The following SRRM1 variants were observed in gnomAD, a reference collection of about 807,000 sequenced individuals.
The protein encoded by SRRM1 is serine/arginine repetitive matrix protein 1.
A neutral mutation model predicts 110.2 loss-of-function variants in SRRM1; 19 were observed. That is an observed-to-expected ratio of 0.17 (90% CI 0.12 to 0.25). The LOEUF (loss-of-function observed/expected upper bound fraction) is 0.25, where lower values mean the gene tolerates loss of function less well. SRRM1 is among the 10% of genes least tolerant of loss of function. The pLI, the probability that SRRM1 is intolerant of heterozygous loss-of-function variation, is 1.00. For synonymous variants in SRRM1, 443 were observed against 414.9 expected (o/e 1.07, Z -0.82); for missense variants, 918 against 1,145.8 (o/e 0.80, Z 2.87).
At chr1:24,662,127 T>C (rs1363097219) in intron 11 of SRRM1, among the ~76,000 whole-genome samples, 1 of 152,080 alleles carries the variant, frequency 6.6e-6, no homozygotes, top group Admixed American at 6.6e-5. Flanking sequence ...ATCTACCCTA[T>C]TATTTTACTA....
intron 11 of SRRM1, among the ~76,000 whole-genome samples, 155 bp downstream of exon 11, chr1:24,661,551 T>C (rs1384916347): frequency 6.6e-6 from 1 of 152,228 alleles, no homozygotes; most frequent in Non-Finnish European, 1.5e-5. Flanking sequence ...TTTTAAGTCC[T>C]TTTGCAAAAT....
chr1:24,661,289 C>G (rs772515845), intron 10 of SRRM1, 21 bp from the exon 11 acceptor site: 14 of 1,595,882 alleles, frequency 8.8e-6, no homozygotes, highest in Non-Finnish European at 1.0e-5. Context: ...GAAACACTTT[C>G]TAAATGCATC....
chr1:24,644,019 C>T (rs1655648187), intron 1 of SRRM1, among the ~76,000 whole-genome samples: 1 of 152,162 alleles, frequency 6.6e-6, no homozygotes, highest in Admixed American at 6.5e-5. Context: ...GCAACGAAAA[C>T]TATGCGCGGG....
chr1:24,665,491 T>A (rs1192856751), intron 12 of SRRM1, among the ~76,000 whole-genome samples: 11 of 149,802 alleles, frequency 7.3e-5, no homozygotes, highest in African/African-American at 2.5e-4. Flanking sequence ...AGGCGGGTGG[T>A]TCACGAGGTC....
chr1:24,661,096 G>A (rs915708297), intron 10 of SRRM1: 4 of 546,398 alleles, frequency 7.3e-6, no homozygotes, highest in Middle Eastern at 9.8e-4. Context: ...AGCCTGACCT[G>A]TAGTAAATGC....
In SRRM1 at chr1:24,643,314, G is replaced by A. The variant is rs199600537; in HGVS notation, c.-13G>A. ...CCCTGGGATAGGGAGCGATCTCCGAGCGAGGCGGCAAGATGGACGCGGGAT... is the reference window on the plus strand; with the variant it reads ...CCCTGGGATAGGGAGCGATCTCCGAACGAGGCGGCAAGATGGACGCGGGAT... On this transcript the variant is annotated 5_prime_UTR_variant, in exon 1 of 17. Coordinates refer to ENST00000323848, the MANE Select transcript of SRRM1 (RefSeq NM_005839.4). 7.6e-5 allele frequency: 119 copies of A among 1,565,010 alleles called. No individual in the cohort carries two copies. The African/African-American group carries it at 1.5e-3, about 20-fold the overall frequency.
intron 3 of SRRM1, chr1:24,648,232 G>A (rs1462255706): frequency 2.0e-5 from 3 of 152,200 alleles, no homozygotes; most frequent in Non-Finnish European, 4.4e-5. Flanking sequence ...AACGGATTTA[G>A]CATTTAAAAA....
chr1:24,671,363 G>C, intron 15 of SRRM1, 23 bp from the exon 16 acceptor site: 3 of 1,566,760 alleles, frequency 1.9e-6, no homozygotes, highest in Non-Finnish European at 2.6e-6. Flanking sequence ...TAAATGCTGG[G>C]TGTTGTTTTT....
At chr1:24,667,731 A>C (rs1458180717) in intron 13 of SRRM1, among the ~76,000 whole-genome samples, 1 of 152,198 alleles carries the variant, frequency 6.6e-6, no homozygotes, top group African/African-American at 2.4e-5. Context: ...AGGGACATTC[A>C]GTAGTGGAAA....
intron 1 of SRRM1, chr1:24,643,775 A>C (rs1429641728): frequency 5.5e-6 from 1 of 183,114 alleles, no homozygotes; most frequent in Non-Finnish European, 1.1e-5. Context: ...GTTTGGGGGT[A>C]CATCTTGGGA....
At position 24,644,146 on chromosome 1, in the gene SRRM1, C is replaced by T. The variant is rs929300532; in HGVS notation, c.21+799C>T. On this transcript the variant is annotated intron_variant, in intron 1 of 16. Transcript: ENST00000323848. ...TGGTGAAAGGTAACTCTTACCTAGG[C>T]TCTGCCAGCGTCGTCTGCCCATCGC... is the stretch of plus-strand genomic sequence containing the variant. 4.1e-4 allele frequency among the ~76,000 whole-genome samples: 63 copies of T among 152,134 alleles called. 2 individuals are homozygous for T. The highest frequency in any genetic ancestry group is 1.6e-4 in the Non-Finnish European group (11 of 68,014).
Position 24,672,291 on chromosome 1 carries a change from A to T in SRRM1, c.*5A>T. Reference sequence around the variant, plus strand: ...CAAGTGTCCCCACAGTCTTAGGGGGAAATGTTTGTTATGATGTAAATTTTA... The same window carrying T: ...CAAGTGTCCCCACAGTCTTAGGGGGTAATGTTTGTTATGATGTAAATTTTA... On this transcript the variant is annotated 3_prime_UTR_variant, in exon 17 of 17. Transcript: ENST00000323848. The T allele has an allele frequency of 6.3e-7, 1 of 1,580,822 alleles. No homozygotes were observed. The highest frequency in any genetic ancestry group is 8.6e-7 in the Non-Finnish European group (1 of 1,159,252).
At chr1:24,657,464 A>C (rs1034909749) in intron 9 of SRRM1, among the ~76,000 whole-genome samples, 1 of 152,180 alleles carries the variant, frequency 6.6e-6, no homozygotes, top group Non-Finnish European at 1.5e-5. Flanking sequence ...TAGCTTCTCT[A>C]TCTGGTAGTA....
intron 5 of SRRM1, among the ~76,000 whole-genome samples, chr1:24,650,365 A>C (rs1659927814): frequency 6.6e-6 from 1 of 152,244 alleles, no homozygotes; most frequent in Non-Finnish European, 1.5e-5. Context: ...GCTTTAGTTC[A>C]TAACAGTTAA....
In SRRM1 at chr1:24,655,119, T is replaced by C; in HGVS notation, c.1305T>C (p.Thr435=). 2 of 1,613,862 alleles carry C rather than the reference T, an allele frequency of 1.2e-6. No homozygotes were observed. The highest frequency in any genetic ancestry group is 1.7e-6 in the Non-Finnish European group (2 of 1,179,860). Residue 435 remains threonine (T), a synonymous_variant, in exon 9 of 17, where the codon ACT becomes ACC. Transcript: ENST00000323848. The part of the protein sequence containing the change: ...KSRVSVSPGR[T]SGKVTKHKGT... ...GTGTTTCTGTGTCTCCAGGGAGAAC[T>C]TCAGGTAAAGGTAAAAATCAAACAC... is the stretch of plus-strand genomic sequence containing the variant.
chr1:24,669,618 A>G lies in SRRM1; in HGVS notation c.2204+31A>G, dbSNP rs768344804. The G allele has an allele frequency of 1.8e-5, 26 of 1,466,852 alleles. 1 individual carries two copies. In the South Asian group the frequency reaches 3.2e-4, roughly 18 times the overall value. 90.9% of individuals were successfully genotyped at this position (1,466,852 alleles called of 1,614,324 possible). Reference sequence around the variant, plus strand: ...AATATTTTATGCTTTTCCATTAGGAATACTTACATAGCTGTTTATATTTGG... The same window carrying G: ...AATATTTTATGCTTTTCCATTAGGAGTACTTACATAGCTGTTTATATTTGG... On this transcript the variant is annotated intron_variant, in intron 14 of 16. Coordinates refer to ENST00000323848, the MANE Select transcript of SRRM1 (RefSeq NM_005839.4).
In SRRM1 at chr1:24,670,130, C is replaced by G. The variant is rs761311471; in HGVS notation, c.2215C>G (p.Pro739Ala). 6.3e-6 allele frequency: 10 copies of G among 1,581,844 alleles called. No homozygotes were observed. The highest frequency in any genetic ancestry group is 8.6e-6 in the Non-Finnish European group (10 of 1,167,904). Residue 739 changes from proline (P) to alanine (A), a missense_variant, in exon 15 of 17, where the codon CCA becomes GCA. Physicochemically the swap from Pro to Ala is conservative, Grantham distance 27. This residue lies in a region of SRRM1 where 357 missense variants were observed against 402.9 expected (regional missense o/e 0.89). Transcript: ENST00000323848. ...EPKKIKKAAS[P>A]SPQSVRRVSS... Reference sequence around the variant, plus strand: ...TTCCTTTTTGTCTAGGGCTGCTTCCCCAAGCCCACAGTCTGTAAGAAGGGT... The same window carrying G: ...TTCCTTTTTGTCTAGGGCTGCTTCCGCAAGCCCACAGTCTGTAAGAAGGGT...
chr1:24,661,189 T>C (rs1050493971), intron 10 of SRRM1, 121 bp from the exon 11 acceptor site: 35 of 630,042 alleles, frequency 5.6e-5, no homozygotes, highest in Middle Eastern at 3.4e-4. Context: ...AAAAAAAATA[T>C]ATAGTAGTTG....
chr1:24,650,125 A>G (rs888037734), intron 5 of SRRM1, 39 bp downstream of exon 5: 1 of 1,472,318 alleles, frequency 6.8e-7, no homozygotes, highest in African/African-American at 1.4e-5. Context: ...TTTTACAGGT[A>G]CTTTAGGTCT....
Sources: gnomAD v4.1 joint callset for allele counts (sites outside exome capture counted in the v4.1 genomes callset) on GRCh38, gnomAD v4.1.1 for gene constraint, gnomAD v4.1.1 regional missense constraint, MANE v1.5 for transcripts, NCBI Gene and HGNC (gene_info 2026-07-23, HGNC 2026-07-21) for gene names.